Variants in CSMD1 observed in about 807,000 individuals in gnomAD.
The protein encoded by CSMD1 is CUB and Sushi multiple domains 1.
In CSMD1, 213 loss-of-function variants were observed where a neutral mutation model predicts 417.5. The observed-to-expected ratio is 0.51, with a 90% CI of 0.46 to 0.57. The LOEUF is 0.57. CSMD1 is among the 20% of genes least tolerant of loss of function. The pLI is 0.00. For missense variants in CSMD1, 6,923 were observed against 4,529.7 expected (o/e 1.53, Z -15.17); for synonymous variants, 2,862 against 1,736.8 (o/e 1.65, Z -16.11).
chr8:3,862,036 T>C (rs979285514), intron 5 of CSMD1, among the ~76,000 whole-genome samples: 1 of 152,208 alleles, frequency 6.6e-6, no homozygotes, highest in African/African-American at 2.4e-5. Context: ...GCCCCAACCA[T>C]TGCTTGCTAA....
At chr8:4,736,279 T>C (rs1297713206) in intron 1 of CSMD1, among the ~76,000 whole-genome samples, 1 of 152,198 alleles carries the variant, frequency 6.6e-6, no homozygotes, top group Middle Eastern at 3.2e-3. Flanking sequence ...TTCAGGTCAC[T>C]GCACACTCTG....
chr8:4,867,775 G>A (rs1802503961), intron 1 of CSMD1, among the ~76,000 whole-genome samples: 1 of 152,052 alleles, frequency 6.6e-6, no homozygotes. Flanking sequence ...TTAAAGATAA[G>A]AGTGTTTTGA....
At chr8:4,148,907 C>A (rs988268967) in intron 3 of CSMD1, among the ~76,000 whole-genome samples, 3 of 152,148 alleles carry the variant, frequency 2.0e-5, no homozygotes, top group African/African-American at 7.2e-5. Flanking sequence ...ACATAGTTCA[C>A]CATCATCTGC....
At chr8:3,953,171 T>G (rs534113801) in intron 5 of CSMD1, among the ~76,000 whole-genome samples, 16 of 152,008 alleles carry the variant, frequency 1.1e-4, no homozygotes, top group Non-Finnish European at 2.1e-4. Context: ...CAAACTGGAT[T>G]AGAGATTTTA....
chr8:4,774,909 G>A (rs975375363), intron 1 of CSMD1, among the ~76,000 whole-genome samples: 1 of 152,134 alleles, frequency 6.6e-6, no homozygotes, highest in African/African-American at 2.4e-5. Context: ...CAGAAGCCAG[G>A]CAGCTTCCAG....
intron 3 of CSMD1, among the ~76,000 whole-genome samples, chr8:4,278,738 G>A (rs1796622623): frequency 6.6e-6 from 1 of 152,128 alleles, no homozygotes; most frequent in East Asian, 1.9e-4. Context: ...TATCATCTCT[G>A]TTTGACTTGG....
At chr8:3,841,055 C>G (rs1430531654) in intron 5 of CSMD1, among the ~76,000 whole-genome samples, 1 of 151,988 alleles carries the variant, frequency 6.6e-6, no homozygotes, top group African/African-American at 2.4e-5. Flanking sequence ...AATTCCAGGA[C>G]AAACACTAAA....
chr8:4,431,969 G>A (rs963721984), intron 2 of CSMD1, among the ~76,000 whole-genome samples: 5 of 152,222 alleles, frequency 3.3e-5, no homozygotes, highest in Admixed American at 3.3e-4. Context: ...AGCCACGGCA[G>A]TAACTTACAT....
chr8:2,970,544 G>C (rs1195122903), intron 57 of CSMD1, among the ~76,000 whole-genome samples: 1 of 152,152 alleles, frequency 6.6e-6, no homozygotes, highest in East Asian at 1.9e-4. Flanking sequence ...AATTATTCCA[G>C]CATTCACTTA....
chr8:3,898,617 A>G (rs1479958469), intron 5 of CSMD1, among the ~76,000 whole-genome samples: 3 of 152,212 alleles, frequency 2.0e-5, no homozygotes, highest in African/African-American at 7.2e-5. Flanking sequence ...TGTTTACTAA[A>G]TCAAAGGTGC....
chr8:4,199,307 G>C (rs954703382), intron 3 of CSMD1, among the ~76,000 whole-genome samples: 2 of 152,164 alleles, frequency 1.3e-5, no homozygotes, highest in South Asian at 4.1e-4. Context: ...GTGTATGGGT[G>C]CTTTTTCATA....
chr8:3,968,550 G>T (rs1040112358), intron 5 of CSMD1, among the ~76,000 whole-genome samples: 1 of 152,048 alleles, frequency 6.6e-6, no homozygotes, highest in Non-Finnish European at 1.5e-5. Flanking sequence ...CAGATTTTCA[G>T]AAGGTTTGAA....
At chr8:2,939,626 G>A (rs953418143) in intron 69 of CSMD1, among the ~76,000 whole-genome samples, 4 of 152,108 alleles carry the variant, frequency 2.6e-5, no homozygotes, top group Admixed American at 6.5e-5. Context: ...AAGCACGCTC[G>A]CAAAAACATC....
rs1052142711 is a variant in CSMD1, at chr8:3,665,712, T to C, written c.1009+42702A>G. Among the ~76,000 whole-genome samples, 3 of 152,002 alleles carry C rather than the reference T, an allele frequency of 2.0e-5. No individual in the cohort carries two copies. In the East Asian group the frequency reaches 5.8e-4, roughly 29 times the overall value. ...GGAAATGTGAAACCATCGCTACATATCTTATCTCAAATGAATTAAAGTCAT... is the reference window on the plus strand; with the variant it reads ...GGAAATGTGAAACCATCGCTACATACCTTATCTCAAATGAATTAAAGTCAT... On this transcript the variant is annotated intron_variant, in intron 7 of 69. Transcript: ENST00000635120.
chr8:3,397,455 T>G (rs1811771700), intron 16 of CSMD1, among the ~76,000 whole-genome samples: 1 of 152,208 alleles, frequency 6.6e-6, no homozygotes, highest in African/African-American at 2.4e-5. Context: ...TACCTATTCC[T>G]GCAACTAGTG....
intron 1 of CSMD1, among the ~76,000 whole-genome samples, chr8:4,842,017 A>C (rs1391326522): frequency 6.6e-6 from 1 of 152,068 alleles, no homozygotes; most frequent in Non-Finnish European, 1.5e-5. Flanking sequence ...AGAAAAAAGC[A>C]ATTTTTCAAG....
intron 3 of CSMD1, among the ~76,000 whole-genome samples, chr8:4,171,748 T>G (rs896910113): frequency 6.6e-6 from 1 of 152,150 alleles, no homozygotes; most frequent in Non-Finnish European, 1.5e-5. Flanking sequence ...ATCTTTTTAT[T>G]TTATTCTTTT....
intron 69 of CSMD1, among the ~76,000 whole-genome samples, chr8:2,941,894 G>A (rs1318750432): frequency 6.6e-6 from 1 of 152,126 alleles, no homozygotes; most frequent in Non-Finnish European, 1.5e-5. Context: ...CTCATCGTTG[G>A]CCATGGAGCC....
intron 3 of CSMD1, among the ~76,000 whole-genome samples, chr8:4,042,856 G>T (rs112662624): frequency 8.9e-6 from 1 of 112,500 alleles, no homozygotes; most frequent in African/African-American, 3.6e-5. Flanking sequence ...GGCTGGGCAC[G>T]GTGGCTCATG....
Sources: gnomAD v4.1 joint callset for allele counts (sites outside exome capture counted in the v4.1 genomes callset) on GRCh38, gnomAD v4.1.1 for gene constraint, MANE v1.5 for transcripts, NCBI Gene and HGNC (gene_info 2026-07-23, HGNC 2026-07-21) for gene names.